Variants in NYAP2 observed in about 807,000 individuals in gnomAD.
The protein encoded by NYAP2 is neuronal tyrosine-phosphorylated phosphoinositide-3-kinase adaptor 2.
In NYAP2, 23 loss-of-function variants were observed where a neutral mutation model predicts 50.4. The ratio of observed to expected loss-of-function variants is 0.46; its 90% CI spans 0.33 to 0.65. The LOEUF (loss-of-function observed/expected upper bound fraction) is 0.65, where lower values mean the gene tolerates loss of function less well. Ranked by LOEUF, NYAP2 falls within the 30% of genes least tolerant of loss-of-function variation. NYAP2 has a pLI of 0.02. For synonymous variants in NYAP2, 394 were observed against 365.2 expected, an observed-to-expected ratio of 1.08 and a Z score of -0.90; for missense variants, 885 against 861.0, an observed-to-expected ratio of 1.03 and a Z score of -0.35.
At chr2:225,678,028 T>C in the NYAP2 span, among the ~76,000 whole-genome samples, 11 of 152,168 alleles carry the variant, frequency 7.2e-5, no homozygotes, top group East Asian at 2.1e-3. Context: ...AATCTACCTA[T>C]GAGTCCATCT....
intron 3 of NYAP2, among the ~76,000 whole-genome samples, chr2:225,475,179 T>C (rs995418629): frequency 5.9e-5 from 9 of 152,230 alleles, no homozygotes; most frequent in African/African-American, 2.2e-4. Context: ...CATTTCCATT[T>C]TGGAATATAT....
At chr2:225,562,867 C>A (rs764867429) in intron 4 of NYAP2, among the ~76,000 whole-genome samples, 5 of 152,134 alleles carry the variant, frequency 3.3e-5, no homozygotes, top group Non-Finnish European at 5.9e-5. Context: ...ACTTTGACAG[C>A]ATCTTTTCTC....
the NYAP2 span, among the ~76,000 whole-genome samples, chr2:225,685,173 T>C: frequency 1.3e-5 from 2 of 152,188 alleles, no homozygotes; most frequent in Non-Finnish European, 2.9e-5. Context: ...TCTTGAGTAT[T>C]AGTATGTTTT....
downstream of NYAP2, among the ~76,000 whole-genome samples, chr2:225,658,729 T>G (rs1353348994): frequency 6.6e-6 from 1 of 152,178 alleles, no homozygotes; most frequent in Non-Finnish European, 1.5e-5. Flanking sequence ...ATATCTAAGG[T>G]GGAAAATAAA....
At chr2:225,605,383 G>T (rs1215609790) in intron 5 of NYAP2, among the ~76,000 whole-genome samples, 1 of 152,088 alleles carries the variant, frequency 6.6e-6, no homozygotes, top group East Asian at 1.9e-4. Context: ...ATAATACTGT[G>T]AAGTGTTAAA....
chr2:225,561,069 A>T (rs1345174460), intron 4 of NYAP2, among the ~76,000 whole-genome samples: 1 of 151,804 alleles, frequency 6.6e-6, no homozygotes, highest in African/African-American at 2.4e-5. Context: ...ACTATCGTGG[A>T]ACTTATGTTC....
the NYAP2 span, among the ~76,000 whole-genome samples, chr2:225,675,259 C>T: frequency 6.6e-6 from 1 of 152,028 alleles, no homozygotes; most frequent in South Asian, 2.1e-4. Flanking sequence ...AAGCATAGTA[C>T]CCAATGGGCA....
chr2:225,449,201 A>G (rs1444907018), intron 3 of NYAP2, among the ~76,000 whole-genome samples: 1 of 152,212 alleles, frequency 6.6e-6, no homozygotes, highest in Non-Finnish European at 1.5e-5. Context: ...GCATAATATT[A>G]GGTGTTCACT....
chr2:225,675,530 T>A, the NYAP2 span, among the ~76,000 whole-genome samples: 13 of 152,274 alleles, frequency 8.5e-5, no homozygotes, highest in South Asian at 2.1e-4. Context: ...CCACATTTTT[T>A]AAAAAATCAA....
chr2:225,670,417 G>A, the NYAP2 span, among the ~76,000 whole-genome samples: 470 of 152,080 alleles, frequency 3.1e-3, 7 homozygotes, highest in African/African-American at 0.011. Context: ...GTGTGGTTCT[G>A]CCTAAGAGAA....
At chr2:225,647,385 A>G (rs1174016833) in intron 6 of NYAP2, among the ~76,000 whole-genome samples, 1 of 152,196 alleles carries the variant, frequency 6.6e-6, no homozygotes, top group Non-Finnish European at 1.5e-5. Context: ...TCATCATATG[A>G]TACACTTGTG....
intron 2 of NYAP2, among the ~76,000 whole-genome samples, chr2:225,405,545 AAG>A (rs1419450888): frequency 2.0e-5 from 3 of 152,140 alleles, no homozygotes; most frequent in South Asian, 2.1e-4. Flanking sequence ...CTGAAAAACA[AAG>A]AGATTTATGG....
At chr2:225,633,595 A>G (rs1360364069) in intron 6 of NYAP2, among the ~76,000 whole-genome samples, 1 of 152,228 alleles carries the variant, frequency 6.6e-6, no homozygotes, top group East Asian at 1.9e-4. Context: ...CACATTTGTT[A>G]GAAGCATTGC....
At chr2:225,512,868 C>CTTTCTTTCTTTCTTTCTCT (rs1690855039) in intron 3 of NYAP2, among the ~76,000 whole-genome samples, 1 of 125,322 alleles carries the variant, frequency 8.0e-6, no homozygotes, top group Admixed American at 8.1e-5. Context: ...TTCCTTCCTT[C>CTTTCTTTCTTTCTTTCTCT]CTTCCTTCCT....
At chr2:225,517,150 G>C (rs1276440063) in intron 4 of NYAP2, among the ~76,000 whole-genome samples, 1 of 152,110 alleles carries the variant, frequency 6.6e-6, no homozygotes, top group Non-Finnish European at 1.5e-5. Flanking sequence ...TATGTTTACT[G>C]TTCTATTTTC....
chr2:225,520,871 C>A (rs1439537604), intron 4 of NYAP2, among the ~76,000 whole-genome samples: 2 of 152,030 alleles, frequency 1.3e-5, no homozygotes, highest in African/African-American at 4.8e-5. Flanking sequence ...GGCAGTATGG[C>A]CATTTTCATG....
At chr2:225,531,411 C>G (rs557325423) in intron 4 of NYAP2, among the ~76,000 whole-genome samples, 58 of 152,294 alleles carry the variant, frequency 3.8e-4, no homozygotes, top group Non-Finnish European at 7.2e-4. Flanking sequence ...TTGAACTATA[C>G]TTTGTGTACA....
chr2:225,651,330 A>G, intron 6 of NYAP2, 102 bp from the exon 7 acceptor site: 2 of 1,464,754 alleles, frequency 1.4e-6, no homozygotes, highest in East Asian at 4.5e-5. Flanking sequence ...CATTTTGTAT[A>G]TTCCAAGAAT....
chr2:225,620,408 C>T (rs1030371297), intron 5 of NYAP2, among the ~76,000 whole-genome samples: 20 of 144,568 alleles, frequency 1.4e-4, no homozygotes, highest in African/African-American at 3.3e-4. Context: ...CACACGCGCA[C>T]GCACACATGC....
Sources: allele counts gnomAD v4.1 joint callset (sites outside exome capture counted in the v4.1 genomes callset), GRCh38; gene constraint gnomAD v4.1.1; transcripts MANE v1.5; gene names NCBI Gene and HGNC (gene_info 2026-07-23, HGNC 2026-07-21).